The following MYO5B variants were observed in gnomAD, a reference collection of about 807,000 sequenced individuals.
The protein encoded by MYO5B is unconventional myosin-Vb.
A neutral mutation model predicts 229.3 loss-of-function variants in MYO5B; 143 were observed. The observed-to-expected ratio is 0.62, with a 90% CI of 0.54 to 0.72. The LOEUF is 0.72. Ranked by LOEUF, MYO5B falls within the 30% of genes least tolerant of loss-of-function variation. MYO5B has a pLI of 0.00. For missense variants in MYO5B, 2,321 were observed against 2,331.0 expected, an observed-to-expected ratio of 1.00 and a Z score of 0.09; for synonymous variants, 918 against 885.2, an observed-to-expected ratio of 1.04 and a Z score of -0.66.
intron 1 of MYO5B, among the ~76,000 whole-genome samples, chr18:50,150,749 G>A (rs1360455150): frequency 2.0e-5 from 3 of 151,966 alleles, no homozygotes; most frequent in African/African-American, 7.3e-5. Context: ...CAAGTTAGTG[G>A]GTGCAGTGCA....
intron 1 of MYO5B, among the ~76,000 whole-genome samples, chr18:50,129,265 C>T (rs996033333): frequency 3.3e-5 from 5 of 152,220 alleles, no homozygotes; most frequent in Non-Finnish European, 5.9e-5. Flanking sequence ...CCCATAGACT[C>T]CAGCAAATGC....
chr18:50,113,245 G>A (rs2031899681), intron 1 of MYO5B, among the ~76,000 whole-genome samples: 1 of 152,252 alleles, frequency 6.6e-6, no homozygotes, highest in East Asian at 1.9e-4. Context: ...AAGACAAAAA[G>A]GCTTCCCTGC....
chr18:49,877,575 TA>T (rs1253724525), intron 25 of MYO5B, among the ~76,000 whole-genome samples, 187 bp downstream of exon 25: 1 of 152,228 alleles, frequency 6.6e-6, no homozygotes, highest in Non-Finnish European at 1.5e-5. Context: ...CTTTACACAG[TA>T]AGTGTTAACT....
intron 33 of MYO5B, among the ~76,000 whole-genome samples, chr18:49,844,210 T>C (rs2024098027): frequency 6.6e-6 from 1 of 152,138 alleles, no homozygotes; most frequent in Non-Finnish European, 1.5e-5. Context: ...GTCAGACCAT[T>C]TTCTATTCCA....
At chr18:49,887,841 C>T (rs895240244) in intron 22 of MYO5B, among the ~76,000 whole-genome samples, 22 of 100,564 alleles carry the variant, frequency 2.2e-4, no homozygotes, top group Non-Finnish European at 3.9e-4. Context: ...CCACCAAGCC[C>T]GGCTAATTTT....
chr18:49,962,921 T>A (rs1379100543), intron 11 of MYO5B, 28 bp downstream of exon 11: 5 of 1,591,194 alleles, frequency 3.1e-6, no homozygotes, highest in Admixed American at 1.7e-5. Context: ...CCAATCCTGG[T>A]ACCCCCAGGT....
At chr18:49,974,731 C>A in intron 9 of MYO5B, 116 bp from the exon 10 acceptor site, 1 of 1,246,942 alleles carries the variant, frequency 8.0e-7, no homozygotes, top group Non-Finnish European at 1.1e-6. Flanking sequence ...GGCCTCCCAG[C>A]CCTCCAGAAT....
intron 22 of MYO5B, among the ~76,000 whole-genome samples, chr18:49,887,700 A>C (rs919833258): frequency 2.0e-5 from 3 of 152,084 alleles, no homozygotes; most frequent in Non-Finnish European, 1.5e-5. Flanking sequence ...TTGTTTTTTG[A>C]GATGGAGTCT....
At chr18:49,848,321 G>T (rs915222957) in intron 32 of MYO5B, among the ~76,000 whole-genome samples, 1 of 152,054 alleles carries the variant, frequency 6.6e-6, no homozygotes, top group Non-Finnish European at 1.5e-5. Flanking sequence ...GGTGCTGATG[G>T]TGGTGGGGCT....
rs1440299860 is a variant in MYO5B, at chr18:50,055,374, G to T, written c.32C>A (p.Thr11Lys). 1.9e-6 allele frequency: 3 copies of T among 1,612,290 alleles called. No individual in the cohort carries two copies. The highest frequency in any genetic ancestry group is 8.5e-7 in the Non-Finnish European group (1 of 1,178,586). Residue 11 changes from threonine to lysine, a missense_variant, in exon 2 of 40, where the codon ACA (threonine) becomes AAA (lysine). By Grantham distance (78) the Thr-to-Lys change is moderately conservative. Around this residue, in one of 2 missense-constraint regions of MYO5B, gnomAD observed 2,113 missense variants for 2,044.7 expected, o/e 1.03. Coordinates refer to ENST00000285039, the MANE Select transcript of MYO5B (RefSeq NM_001080467.3). ...ATCAGGGTCAGGGATCCAGACCCTT[G>T]TGCACTGAAAGATTAAAACAGAAGA... is the stretch of plus-strand genomic sequence containing the variant. The part of the protein sequence containing the change: MSVGELYSQC[T>K]RVWIPDPDEV...
intron 29 of MYO5B, among the ~76,000 whole-genome samples, chr18:49,859,040 C>T (rs1455246215): frequency 6.6e-6 from 1 of 152,204 alleles, no homozygotes; most frequent in Non-Finnish European, 1.5e-5. Flanking sequence ...CACTGTGACA[C>T]ACAGAGATAA....
intron 11 of MYO5B, 139 bp downstream of exon 11, chr18:49,962,810 G>A (rs1025325288): frequency 5.3e-5 from 42 of 795,620 alleles, no homozygotes; most frequent in Non-Finnish European, 8.3e-5. Flanking sequence ...CCGAAAGCTG[G>A]AGGTACCACC....
At chr18:49,932,902 C>A (rs1049667574) in intron 16 of MYO5B, among the ~76,000 whole-genome samples, 1 of 152,162 alleles carries the variant, frequency 6.6e-6, no homozygotes, top group African/African-American at 2.4e-5. Flanking sequence ...AATGGAAAAC[C>A]AGCCCTCCTT....
intron 1 of MYO5B, among the ~76,000 whole-genome samples, chr18:50,070,940 C>A (rs182989126): frequency 1.2e-4 from 18 of 152,290 alleles, no homozygotes; most frequent in Non-Finnish European, 2.4e-4. Flanking sequence ...CTGGCCTCAG[C>A]CTCCTGGGTA....
intron 17 of MYO5B, among the ~76,000 whole-genome samples, chr18:49,928,915 T>G (rs113288218): frequency 0.026 from 3,882 of 152,094 alleles, 169 homozygotes; most frequent in African/African-American, 0.089. Flanking sequence ...GGAGCTAAGC[T>G]ATGAGGACGC....
Position 50,194,785 on chromosome 18 carries a change from C to A in MYO5B, c.9G>T (p.Val3=). 2 of 1,455,848 alleles carry A rather than the reference C, an allele frequency of 1.4e-6. No homozygotes were observed. The highest frequency in any genetic ancestry group is 1.3e-5 in the South Asian group (1 of 75,394). The allele number at this position is 1,455,848 out of a possible 1,614,324, so 90.2% of individuals were successfully genotyped here. The change falls in exon 1 of 40, where the codon GTG becomes GTT. Residue 3 remains valine (V), a synonymous_variant. Transcript: ENST00000285039. MS[V]GELYSQCTRV... ...CGCTCACCTGGCTGTAGAGCTCGCC[C>A]ACCGACATGGCCCGGGCCGGGCGGG...
chr18:49,991,830 T>A (rs113744624), intron 6 of MYO5B, among the ~76,000 whole-genome samples: 6,087 of 152,136 alleles, frequency 0.04, 321 homozygotes, highest in African/African-American at 0.13. Flanking sequence ...TAATTTTTTT[T>A]AAAAAATGGG....
rs564654233 is a variant in MYO5B, at chr18:49,998,417, CAT to C, written c.612+2836_612+2837del. 4.5e-3 allele frequency among the ~76,000 whole-genome samples: 688 copies of C among 152,320 alleles called. 4 individuals carry two copies. Among genetic ancestry groups the C allele is most frequent in the African/African-American group, 0.016 (645 of 41,572 alleles). Reference sequence around the variant, plus strand: ...ACCTTAGCAACTGAAGCACGTTGAGCATATGTCTGTGTGTGCATGTTGCTTTT... The same window carrying C: ...ACCTTAGCAACTGAAGCACGTTGAGCATGTCTGTGTGTGCATGTTGCTTTT... On this transcript the variant is annotated intron_variant, in intron 5 of 39. Coordinates refer to ENST00000285039, the MANE Select transcript of MYO5B (RefSeq NM_001080467.3).
chr18:50,103,654 T>C (rs2031697309), intron 1 of MYO5B, among the ~76,000 whole-genome samples: 1 of 152,136 alleles, frequency 6.6e-6, no homozygotes, highest in Non-Finnish European at 1.5e-5. Flanking sequence ...GCTGAGAGGA[T>C]GGCTTGAGCC....
Sources: gnomAD v4.1 joint callset for allele counts (sites outside exome capture counted in the v4.1 genomes callset) on GRCh38, gnomAD v4.1.1 for gene constraint, gnomAD v4.1.1 regional missense constraint, MANE v1.5 for transcripts, NCBI Gene and HGNC (gene_info 2026-07-23, HGNC 2026-07-21) for gene names.